Variants in BBS2 observed in about 807,000 individuals in gnomAD.
BBS2 encodes the protein BBSome complex member BBS2.
In BBS2, 62 loss-of-function variants were observed where a neutral mutation model predicts 83.0. The ratio of observed to expected loss-of-function variants is 0.75; its 90% CI spans 0.61 to 0.92. The LOEUF is 0.92. Among genes scored for constraint, BBS2 ranks in the 40% least tolerant of loss-of-function variants. BBS2 has a pLI of 0.00. For synonymous variants in BBS2, 303 were observed against 326.1 expected (o/e 0.93, Z 0.76); for missense variants, 784 against 901.0 (o/e 0.87, Z 1.66).
chr16:56,511,113 G>C (rs1413245507), intron 3 of BBS2, 46 bp downstream of exon 3: 2 of 1,612,254 alleles, frequency 1.2e-6, no homozygotes, highest in Non-Finnish European at 1.7e-6. Context: ...AACATTAAAA[G>C]TAAAAATGCT....
intron 13 of BBS2, 143 bp downstream of exon 13, chr16:56,498,294 C>T: frequency 1.8e-6 from 2 of 1,105,308 alleles, no homozygotes; most frequent in East Asian, 2.5e-5. Context: ...GTTTTATGAC[C>T]TTGACATTGA....
rs1046295197 is a variant in BBS2 at position 56,495,798 on chromosome 16, A to G, written c.1910+1169T>C. Among the ~76,000 whole-genome samples the G allele has an allele frequency of 8.5e-5, 11 of 130,088 alleles. No individual in the cohort carries two copies. In the East Asian group the frequency reaches 1.0e-3, roughly 12 times the overall value. The allele number at this position is 130,088 out of a possible 152,430, so 85.3% of individuals were successfully genotyped here. A position where few individuals can be genotyped will look rare whatever the true frequency, so the allele number is the denominator to read the frequency against. On this transcript the variant is annotated intron_variant, in intron 15 of 16. Transcript: ENST00000245157. The stretch of plus-strand genomic sequence containing the variant: ...TGTGTGTGTGTGTGTGTGTATATAT[A>G]TGTATATATATATATATGATATTGA...
chr16:56,501,070 G>C, intron 10 of BBS2, 45 bp from the exon 11 acceptor site: 1 of 1,603,244 alleles, frequency 6.2e-7, no homozygotes, highest in Non-Finnish European at 8.5e-7. Flanking sequence ...TCCAACTTTG[G>C]GAAGCTGAGG....
chr16:56,494,454 G>C (rs1964055889), intron 15 of BBS2, among the ~76,000 whole-genome samples: 2 of 152,066 alleles, frequency 1.3e-5, no homozygotes, highest in South Asian at 4.2e-4. Flanking sequence ...CATCTTTAGT[G>C]GTCAGACCAT....
In BBS2 at chr16:56,485,592, C is replaced by T. The variant is rs779237367; in HGVS notation, c.2057G>A (p.Arg686Gln). The T allele has an allele frequency of 1.6e-5, 26 of 1,613,958 alleles. No individual in the cohort carries two copies. The highest frequency in any genetic ancestry group is 8.8e-5 in the South Asian group (8 of 91,080). The stretch of plus-strand genomic sequence containing the variant: ...CAGTGTTATGAAAAGAGACTTACCC[C>T]GCAGACGACCTGCTCTTTGAATTGC... ...NQAIQRAGRL[R>Q]VGKPKNQVIT... Residue 686 changes from arginine to glutamine, a missense_variant and splice_region_variant, in exon 16 of 17, where the codon CGG becomes CAG. Physicochemically the swap from Arg to Gln is conservative, Grantham distance 43 (BLOSUM62 1). Coordinates refer to ENST00000245157, the MANE Select transcript of BBS2 (RefSeq NM_031885.5).
In BBS2 at chr16:56,474,934, G is replaced by A. The variant is rs574204810; in HGVS notation, c.*1-4239C>T. On this transcript the variant is annotated intron_variant, in intron 17 of 17. Transcript: ENST00000682047. ...CTGAATTTGCCCTAGACTTAATTCT[G>A]TACTGTGGCTGTGAAGGTAAGAGGG... 5.6e-6 allele frequency: 9 copies of A among 1,613,540 alleles called. No homozygotes were observed. The African/African-American group carries it at 8.0e-5, about 14-fold the overall frequency.
intron 17 of BBS2, chr16:56,478,281 C>T: frequency 6.6e-6 from 1 of 152,258 alleles, no homozygotes; most frequent in Non-Finnish European, 1.5e-5. Context: ...GCCTCAGCCT[C>T]CTAAGTAGCT....
intron 1 of BBS2, among the ~76,000 whole-genome samples, chr16:56,514,977 T>A (rs1288090891): frequency 6.6e-6 from 1 of 152,202 alleles, no homozygotes; most frequent in East Asian, 1.9e-4. Flanking sequence ...AAAGCACTCT[T>A]AGGAGCTAGC....
chr16:56,502,245 A>G, intron 9 of BBS2, 72 bp downstream of exon 9: 2 of 1,600,310 alleles, frequency 1.2e-6, no homozygotes, highest in Non-Finnish European at 1.7e-6. Context: ...ATTCTTCCAT[A>G]TTTGCTGATC....
chr16:56,511,476 A>G (rs1964575666), intron 2 of BBS2, among the ~76,000 whole-genome samples, 192 bp from the exon 3 acceptor site: 1 of 152,192 alleles, frequency 6.6e-6, no homozygotes, highest in African/African-American at 2.4e-5. Context: ...TAAGTCCTTC[A>G]ATACTTTCTA....
intron 17 of BBS2, among the ~76,000 whole-genome samples, chr16:56,472,736 CAT>C (rs1963255300): frequency 6.6e-6 from 1 of 152,130 alleles, no homozygotes; most frequent in Non-Finnish European, 1.5e-5. Flanking sequence ...CATGTATACA[CAT>C]ATGGGGGGTA....
chr16:56,496,176 GT>G (rs1964112057), intron 15 of BBS2, among the ~76,000 whole-genome samples: 2 of 152,072 alleles, frequency 1.3e-5, no homozygotes, highest in African/African-American at 2.4e-5. Flanking sequence ...TCTATAATTT[GT>G]TAACTATTTT....
intron 5 of BBS2, among the ~76,000 whole-genome samples, chr16:56,507,165 G>A (rs566558741): frequency 6.6e-6 from 1 of 152,312 alleles, no homozygotes; most frequent in Non-Finnish European, 1.5e-5. Context: ...TGATTTTGCT[G>A]ATCTGGGAAA....
chr16:56,501,271 G>C, intron 10 of BBS2, 82 bp downstream of exon 10: 1 of 1,526,030 alleles, frequency 6.6e-7, no homozygotes, highest in Non-Finnish European at 9.0e-7. Context: ...GACAGAGGAA[G>C]ACTCTGTCTC....
At position 56,506,037 on chromosome 16, in the gene BBS2, C is replaced by A. The variant is rs755784016; in HGVS notation, c.718-1G>T. 1 of 1,613,706 alleles carries A rather than the reference C, an allele frequency of 6.2e-7. No homozygotes were observed. Among genetic ancestry groups the A allele is most frequent in the Non-Finnish European group, 8.5e-7 (1 of 1,179,704 alleles). ...GAATGCTCATGGCATGATTTTTCGA[C>A]TGAAAAAGAATTTTAATAATTAGCA... On this transcript the variant is annotated splice_acceptor_variant, in intron 6 of 16. Transcript: ENST00000245157. LOFTEE classifies it high-confidence loss of function.
intron 15 of BBS2, among the ~76,000 whole-genome samples, chr16:56,486,991 T>C (rs1254275646): frequency 6.6e-6 from 1 of 152,050 alleles, no homozygotes; most frequent in Non-Finnish European, 1.5e-5. Flanking sequence ...CTCGAACTCC[T>C]GGCTTCAAGT....
At chr16:56,475,398 G>A in intron 17 of BBS2, 1 of 978,872 alleles carries the variant, frequency 1.0e-6, no homozygotes, top group Non-Finnish European at 1.6e-6. Context: ...AGTTACTGCT[G>A]AACTCCCAGA....
chr16:56,516,666 T>A (rs1375319896), intron 1 of BBS2, among the ~76,000 whole-genome samples: 1 of 152,140 alleles, frequency 6.6e-6, no homozygotes, highest in Non-Finnish European at 1.5e-5. Context: ...GTACTGGGAT[T>A]GCAGGTGTTG....
intron 5 of BBS2, 91 bp downstream of exon 5, chr16:56,509,866 G>A: frequency 7.3e-7 from 1 of 1,371,328 alleles, no homozygotes; most frequent in Non-Finnish European, 1.0e-6. Context: ...CCTGGGTTTG[G>A]AGATGCCCCA....
Sources: allele counts gnomAD v4.1 joint callset (sites outside exome capture counted in the v4.1 genomes callset), GRCh38; gene constraint gnomAD v4.1.1; transcripts MANE v1.5; gene names NCBI Gene and HGNC (gene_info 2026-07-23, HGNC 2026-07-21).